The following ZNF875 variants were observed in gnomAD, a reference collection of about 807,000 sequenced individuals.
ZNF875 encodes HKR1, GLI-Kruppel zinc finger family member.
In ZNF875, 14 loss-of-function variants were observed where a neutral mutation model predicts 11.2. That is an observed-to-expected ratio of 1.26 (90% CI 0.83 to 1.96). The LOEUF is 1.96. ZNF875 is among the 30% of genes most tolerant of loss of function. ZNF875 has a pLI of 0.00. For synonymous variants in ZNF875, 301 were observed against 281.1 expected (o/e 1.07, Z -0.71); for missense variants, 752 against 760.4 (o/e 0.99, Z 0.13).
chr19:37,337,113 C>G (rs2034630689), intron 2 of ZNF875: 1 of 152,070 alleles, frequency 6.6e-6, no homozygotes. Flanking sequence ...TCTTTGGTGT[C>G]AGACAATTTG....
At chr19:37,337,569 C>G (rs759107035) in intron 2 of ZNF875, 2 of 152,202 alleles carry the variant, frequency 1.3e-5, no homozygotes, top group Admixed American at 6.6e-5. Context: ...CCCAGCCTCC[C>G]GAGTAGCTGG....
intron 4 of ZNF875, among the ~76,000 whole-genome samples, chr19:37,356,221 A>G (rs1600183570): frequency 6.6e-6 from 1 of 152,180 alleles, no homozygotes; most frequent in Non-Finnish European, 1.5e-5. Context: ...GCTGTTGGGA[A>G]TAGTGCTGCG....
chr19:37,321,280 C>T (rs1158123310), intron 1 of ZNF875, among the ~76,000 whole-genome samples: 1 of 152,166 alleles, frequency 6.6e-6, no homozygotes, highest in African/African-American at 2.4e-5. Context: ...GCATCTGTCT[C>T]CTGCTCGTCC....
exon 2 of ZNF875, chr19:37,322,222 T>G (rs2031611753): frequency 2.0e-5 from 3 of 152,240 alleles, no homozygotes; most frequent in African/African-American, 7.2e-5. Context: ...CTGTTTTGGA[T>G]GCATTGGAAG....
At chr19:37,333,959 C>A (rs1160091893), upstream of ZNF875, among the ~76,000 whole-genome samples, 17 of 152,204 alleles carry the variant, frequency 1.1e-4, no homozygotes, top group African/African-American at 3.9e-4. Context: ...CGCACCTGTA[C>A]CCCAGCCTCC....
chr19:37,326,793 G>A (rs1012897972), intron 4 of ZNF875, among the ~76,000 whole-genome samples: 1 of 141,292 alleles, frequency 7.1e-6, no homozygotes, highest in Non-Finnish European at 1.5e-5. Context: ...TCAGCCTCCC[G>A]AGTACCCGGG....
intron 4 of ZNF875, chr19:37,357,954 C>T (rs1600198766): frequency 5.0e-6 from 2 of 398,356 alleles, no homozygotes; most frequent in Non-Finnish European, 8.8e-6. Context: ...TCTTGTTCCA[C>T]TTCTTAGGGG....
In ZNF875 at chr19:37,363,223, G is replaced by A; in HGVS notation, c.1371G>A (p.Gln457=). ...VKPYVCLECG[Q]CFSLKSNLNK... is the part of the protein sequence containing the mutation. ...CTTATGTCTGCCTGGAGTGCGGGCA[G>A]TGCTTTAGCCTGAAGTCAAACCTTA... is the stretch of plus-strand genomic sequence containing the variant. Residue 457 remains glutamine (Q), a synonymous_variant, in exon 5 of 5, where the codon CAG becomes CAA. Transcript: ENST00000392153. The A allele has an allele frequency of 6.2e-7, 1 of 1,612,928 alleles. No individual in the cohort carries two copies. The highest frequency in any genetic ancestry group is 8.5e-7 in the Non-Finnish European group (1 of 1,179,688).
At chr19:37,336,237 C>G (rs1599961579) in intron 2 of ZNF875, among the ~76,000 whole-genome samples, 1 of 151,210 alleles carries the variant, frequency 6.6e-6, no homozygotes, top group Non-Finnish European at 1.5e-5. Context: ...TAGATAGTTT[C>G]AGAGGCTGGA....
chr19:37,334,984 CGAGCTTGCGGCT>C (rs2034021178), intron 1 of ZNF875, 173 bp from the exon 2 acceptor site: 1 of 526,102 alleles, frequency 1.9e-6, no homozygotes. Flanking sequence ...CTCCCTGTCC[CGAGCTTGCGGCT>C]GAGCTTGAGG....
At chr19:37,336,556 C>G (rs1443107746) in intron 2 of ZNF875, among the ~76,000 whole-genome samples, 1 of 151,272 alleles carries the variant, frequency 6.6e-6, no homozygotes, top group Non-Finnish European at 1.5e-5. Context: ...ACCTCGGCCT[C>G]CCAAAGTGCT....
chr19:37,347,659 G>T (rs1229466425), intron 3 of ZNF875, 118 bp from the exon 4 acceptor site: 1 of 681,254 alleles, frequency 1.5e-6, no homozygotes. Flanking sequence ...TTCAGAGAGA[G>T]AACTATTCAT....
chr19:37,334,096 C>T (rs545046609), upstream of ZNF875, among the ~76,000 whole-genome samples: 20 of 152,290 alleles, frequency 1.3e-4, no homozygotes, highest in South Asian at 4.1e-3. Context: ...CAGTCTCCCC[C>T]ATCTGCATTC....
At chr19:37,330,832 T>G (rs1217671665), upstream of ZNF875, among the ~76,000 whole-genome samples, 3 of 152,178 alleles carry the variant, frequency 2.0e-5, no homozygotes, top group Admixed American at 6.5e-5. Context: ...GTTCTTCCCC[T>G]TTTGTGATCA....
chr19:37,338,357 A>G (rs2034958320), intron 2 of ZNF875, among the ~76,000 whole-genome samples: 1 of 152,148 alleles, frequency 6.6e-6, no homozygotes, highest in Non-Finnish European at 1.5e-5. Flanking sequence ...TCCTGACCTC[A>G]GGTGTTCCAC....
chr19:37,328,166 G>A (rs2032822476), intron 4 of ZNF875, among the ~76,000 whole-genome samples: 1 of 152,112 alleles, frequency 6.6e-6, no homozygotes, highest in Admixed American at 6.5e-5. Context: ...CTTGAACTGG[G>A]AGGTGGAGCC....
chr19:37,333,974 A>G (rs941714374), upstream of ZNF875, among the ~76,000 whole-genome samples: 2 of 151,874 alleles, frequency 1.3e-5, no homozygotes, highest in African/African-American at 2.4e-5. Flanking sequence ...GCCTCCAATA[A>G]AAACCTCGGG....
In ZNF875 at chr19:37,362,347, T is replaced by G. The variant is rs776741517; in HGVS notation, c.495T>G (p.Phe165Leu). 3 of 1,613,958 alleles carry G rather than the reference T, an allele frequency of 1.9e-6. No individual in the cohort carries two copies. The highest frequency in any genetic ancestry group is 1.3e-5 in the African/African-American group (1 of 74,894). ...IQEGEDSRLLFGRVSKNGTSK... is the reference protein window; with the variant it reads ...IQEGEDSRLLLGRVSKNGTSK... ...AGGGAGAAGACTCCAGACTCCTGTT[T>G]GGGAGAGTAAGCAAAAATGGCACTT... The change falls in exon 5 of 5, where the codon TTT becomes TTG. Residue 165 changes from phenylalanine (F) to leucine (L), a missense_variant. By Grantham distance (22) the Phe-to-Leu change is conservative (BLOSUM62 0). Transcript: ENST00000392153.
chr19:37,349,339 A>G (rs374996828), intron 4 of ZNF875, among the ~76,000 whole-genome samples: 19 of 152,132 alleles, frequency 1.2e-4, no homozygotes, highest in African/African-American at 4.3e-4. Flanking sequence ...AATTGCTTAC[A>G]CTCACATAGC....
Sources: allele counts gnomAD v4.1 joint callset (sites outside exome capture counted in the v4.1 genomes callset), GRCh38; gene constraint gnomAD v4.1.1; transcripts MANE v1.5; gene names NCBI Gene and HGNC (gene_info 2026-07-23, HGNC 2026-07-21).